Variants in TMEM39A observed in about 807,000 individuals in gnomAD.
TMEM39A encodes the protein transmembrane protein 39A.
TMEM39A carries 19 observed loss-of-function variants against 51.9 expected under a neutral mutation model. The observed-to-expected ratio is 0.37, with a 90% CI of 0.26 to 0.54. The LOEUF (loss-of-function observed/expected upper bound fraction) is 0.54. Among genes scored for constraint, TMEM39A ranks in the 20% least tolerant of loss-of-function variants. TMEM39A has a pLI of 0.88. For missense variants in TMEM39A, 433 were observed against 590.5 expected (o/e 0.73, Z 2.76); for synonymous variants, 197 against 220.2 (o/e 0.89, Z 0.93).
At chr3:119,438,658 G>A (rs1351360619) in intron 5 of TMEM39A, among the ~76,000 whole-genome samples, 2 of 152,096 alleles carry the variant, frequency 1.3e-5, no homozygotes, top group African/African-American at 2.4e-5. Flanking sequence ...GAAACAGGCT[G>A]TTTCTTATTT....
At chr3:119,442,376 G>A (rs1267009191) in intron 5 of TMEM39A, among the ~76,000 whole-genome samples, 1 of 150,778 alleles carries the variant, frequency 6.6e-6, no homozygotes, top group African/African-American at 2.4e-5. Context: ...ACTGCTCATT[G>A]ACAGTGTACC....
chr3:119,456,551 C>T (rs1420041646), intron 3 of TMEM39A, among the ~76,000 whole-genome samples: 1 of 152,214 alleles, frequency 6.6e-6, no homozygotes, highest in Non-Finnish European at 1.5e-5. Flanking sequence ...TAGTCCCAAA[C>T]ACATATATAA....
Position 119,462,121 on chromosome 3 carries a change from G to T in TMEM39A, c.-47C>A. 2.7e-6 allele frequency: 4 copies of T among 1,475,344 alleles called. No homozygotes were observed. Among genetic ancestry groups the T allele is most frequent in the Admixed American group, 1.8e-5 (1 of 56,380 alleles). 91.4% of individuals were successfully genotyped at this position (1,475,344 alleles called of 1,614,324 possible). A position where few individuals can be genotyped will look rare whatever the true frequency, so the allele number is the denominator to read the frequency against. ...CAGTGCCACCTGTAGTTGCAACCCA[G>T]GTTAATGGTTGTCAACCAGTTTCAA... On this transcript the variant is annotated 5_prime_UTR_variant, in exon 2 of 9. It adds an upstream start codon to the 5' untranslated region. Coordinates refer to ENST00000319172, the MANE Select transcript of TMEM39A (RefSeq NM_018266.3).
chr3:119,447,494 G>A (rs2081143677), intron 4 of TMEM39A, among the ~76,000 whole-genome samples: 3 of 152,108 alleles, frequency 2.0e-5, no homozygotes, highest in Admixed American at 1.3e-4. Flanking sequence ...CCATCAGAAT[G>A]ACCTGGGCTA....
chr3:119,444,820 C>T (rs1318403733), intron 5 of TMEM39A, among the ~76,000 whole-genome samples: 1 of 152,100 alleles, frequency 6.6e-6, no homozygotes, highest in Admixed American at 6.5e-5. Flanking sequence ...ATTTTGAGAA[C>T]TACTGATACA....
chr3:119,461,051 T>G (rs2081329628), intron 2 of TMEM39A, among the ~76,000 whole-genome samples: 1 of 152,214 alleles, frequency 6.6e-6, no homozygotes. Context: ...AACATCCTGC[T>G]ATGATGCAAA....
Position 119,431,976 on chromosome 3 carries a change from G to T in TMEM39A, c.*5C>A. 1 of 1,554,226 alleles carries T rather than the reference G, an allele frequency of 6.4e-7. No homozygotes were observed. The highest frequency in any genetic ancestry group is 1.2e-5 in the South Asian group (1 of 81,328). ...CTGAGTTCTCCCTCATTGTTGAGAG[G>T]CAGCTTAGTTTGCCTTGAGTTCATA... On this transcript the variant is annotated 3_prime_UTR_variant, in exon 9 of 9. Transcript: ENST00000319172.
chr3:119,442,116 G>A (rs185935091), intron 5 of TMEM39A, among the ~76,000 whole-genome samples: 308 of 152,162 alleles, frequency 2.0e-3, no homozygotes, highest in African/African-American at 6.8e-3. Flanking sequence ...TGAGGCAGGC[G>A]GAGCACCTGA....
chr3:119,436,772 T>C lies in TMEM39A; in HGVS notation c.1112+19A>G, dbSNP rs2080974445. ...GCATGTAGAAAGTGTTACATGGTTTTACCCTCTAGCTTACTCACATGTGCT... is the reference window on the plus strand; with the variant it reads ...GCATGTAGAAAGTGTTACATGGTTTCACCCTCTAGCTTACTCACATGTGCT... On this transcript the variant is annotated intron_variant, in intron 7 of 8. Transcript: ENST00000319172. The C allele has an allele frequency of 2.5e-6, 4 of 1,595,220 alleles. No homozygotes were observed. Among genetic ancestry groups the C allele is most frequent in the South Asian group, 1.1e-5 (1 of 89,540 alleles).
At chr3:119,438,224 T>C (rs934668783) in intron 5 of TMEM39A, 121 bp from the exon 6 acceptor site, 38 of 675,874 alleles carry the variant, frequency 5.6e-5, no homozygotes, top group Non-Finnish European at 8.6e-5. Flanking sequence ...GGAGTAAACA[T>C]AACTCAAGAG....
In TMEM39A at chr3:119,458,097, G is replaced by C; in HGVS notation, c.257C>G (p.Ala86Gly). Residue 86 changes from alanine (A) to glycine (G), a missense_variant, in exon 3 of 9, where the codon GCT (alanine) becomes GGT (glycine). Transcript: ENST00000319172. ...EFLFFIYLLV[A>G]LFIQYINIYK... Reference sequence around the variant, plus strand: ...AATGTTGATGTACTGAATGAAAAGAGCAACCAACAGGTAGATGAAAAAAAG... The same window carrying C: ...AATGTTGATGTACTGAATGAAAAGACCAACCAACAGGTAGATGAAAAAAAG... 1 of 1,614,064 alleles carries C rather than the reference G, an allele frequency of 6.2e-7. No individual in the cohort carries two copies. Among genetic ancestry groups the C allele is most frequent in the Non-Finnish European group, 8.5e-7 (1 of 1,179,970 alleles).
chr3:119,442,048 ATAT>A (rs2081060335), intron 5 of TMEM39A, among the ~76,000 whole-genome samples: 1 of 152,240 alleles, frequency 6.6e-6, no homozygotes, highest in African/African-American at 2.4e-5. Context: ...TCCTTTAAAA[ATAT>A]TATGTACGGC....
At position 119,461,018 on chromosome 3, in the gene TMEM39A, C is replaced by A. The variant is rs569773023; in HGVS notation, c.113+944G>T. Among the ~76,000 whole-genome samples, 237 of 152,176 alleles carry A rather than the reference C, an allele frequency of 1.6e-3. 1 individual carries two copies. The highest frequency in any genetic ancestry group is 5.4e-3 in the African/African-American group (226 of 41,510). On this transcript the variant is annotated intron_variant, in intron 2 of 8. Transcript: ENST00000319172. ...TCAGTAAAGTTTTTTAAAGTTACTG[C>A]AATTTACTACTTCATTTATTTCAAC...
At chr3:119,449,905 C>G (rs1275068262) in intron 4 of TMEM39A, among the ~76,000 whole-genome samples, 1 of 152,086 alleles carries the variant, frequency 6.6e-6, no homozygotes, top group East Asian at 1.9e-4. Context: ...GAGAGGTAGT[C>G]CTCTCTGAAT....
In TMEM39A at chr3:119,445,226, T is replaced by A. The variant is rs1250788248; in HGVS notation, c.575+1792A>T. 3.9e-5 allele frequency among the ~76,000 whole-genome samples: 6 copies of A among 152,310 alleles called. No individual in the cohort carries two copies. In the East Asian group the frequency reaches 1.2e-3, roughly 29 times the overall value. On this transcript the variant is annotated intron_variant, in intron 5 of 8. Transcript: ENST00000319172. ...TGTCCACATTTAACAAAACTCCATATACACAAGATTTGGGAATTTTATTTT... is the reference window on the plus strand; with the variant it reads ...TGTCCACATTTAACAAAACTCCATAAACACAAGATTTGGGAATTTTATTTT...
At chr3:119,463,289 G>A (rs979897960) in intron 1 of TMEM39A, 47 bp downstream of exon 1, 51 of 310,096 alleles carry the variant, frequency 1.6e-4, no homozygotes, top group African/African-American at 1.1e-3. Flanking sequence ...AGAGGGCCGA[G>A]GCAGGTCCAG....
rs2080904833 is a variant in TMEM39A at position 119,431,838 on chromosome 3, A to C, written c.*143T>G. 1 of 551,500 alleles carries C rather than the reference A, an allele frequency of 1.8e-6. No individual in the cohort carries two copies. The highest frequency in any genetic ancestry group is 3.5e-5 in the Admixed American group (1 of 28,290). 34.2% of individuals were successfully genotyped at this position (551,500 alleles called of 1,614,324 possible). On this transcript the variant is annotated 3_prime_UTR_variant, in exon 9 of 9. Coordinates refer to ENST00000319172, the MANE Select transcript of TMEM39A (RefSeq NM_018266.3). ...CATCACCTTGTTTACGGATACATTTAATATCCCTTACTCTTCCCGACTTTC... is the reference window on the plus strand; with the variant it reads ...CATCACCTTGTTTACGGATACATTTCATATCCCTTACTCTTCCCGACTTTC...
chr3:119,433,841 T>C (rs2080931184), intron 8 of TMEM39A, among the ~76,000 whole-genome samples: 1 of 152,160 alleles, frequency 6.6e-6, no homozygotes. Flanking sequence ...CCACCCTGCA[T>C]TCCCCTACCA....
intron 5 of TMEM39A, 72 bp downstream of exon 5, chr3:119,446,946 A>G (rs2081133593): frequency 1.3e-6 from 2 of 1,484,422 alleles, no homozygotes; most frequent in Admixed American, 4.2e-5. Context: ...TTTCACTCTT[A>G]AAAGTATCGT....
Sources: gnomAD v4.1 joint callset for allele counts (sites outside exome capture counted in the v4.1 genomes callset) on GRCh38, gnomAD v4.1.1 for gene constraint, MANE v1.5 for transcripts, NCBI Gene and HGNC (gene_info 2026-07-23, HGNC 2026-07-21) for gene names.